Variants in NME9 observed in about 807,000 individuals in gnomAD.
The protein encoded by NME9 is NME/NM23 family member 9, also known as thioredoxin domain-containing protein 6.
A neutral mutation model predicts 44.4 loss-of-function variants in NME9; 48 were observed. The ratio of observed to expected loss-of-function variants is 1.08; its 90% CI spans 0.86 to 1.37. The LOEUF is 1.37. Ranked by LOEUF, NME9 falls within the 40% of genes most tolerant of loss-of-function variation. The probability of loss-of-function intolerance (pLI) is 0.00; values close to 1 mark genes in which losing one functional copy is unlikely to be tolerated. For synonymous variants in NME9, 139 were observed against 147.1 expected (o/e 0.94, Z 0.40); for missense variants, 325 against 405.2 (o/e 0.80, Z 1.70).
intron 2 of NME9, among the ~76,000 whole-genome samples, chr3:138,322,191 G>C (rs2053506204): frequency 6.6e-6 from 1 of 152,128 alleles, no homozygotes. Context: ...CCGCTGAAAA[G>C]GGCAGGTTTA....
intron 8 of NME9, chr3:138,287,931 C>G (rs528528436): frequency 4.6e-6 from 1 of 216,530 alleles, no homozygotes; most frequent in African/African-American, 2.3e-5. Flanking sequence ...TTCATTCAGG[C>G]GAAAACACCC....
At chr3:138,314,514 GA>G (rs2052932789) in intron 5 of NME9, 107 bp from the exon 6 acceptor site, 2 of 687,296 alleles carry the variant, frequency 2.9e-6, no homozygotes, top group South Asian at 2.0e-5. Flanking sequence ...AAAACACAGA[GA>G]AAAAAATGTC....
chr3:138,321,385 G>A (rs929432619), intron 2 of NME9, among the ~76,000 whole-genome samples: 6 of 152,200 alleles, frequency 3.9e-5, no homozygotes, highest in African/African-American at 4.8e-5. Flanking sequence ...CGGAAGTCAA[G>A]GGCAAAAGGA....
intron 8 of NME9, among the ~76,000 whole-genome samples, chr3:138,264,985 GC>G (rs1181535635): frequency 1.3e-5 from 2 of 150,894 alleles, no homozygotes; most frequent in Non-Finnish European, 2.9e-5. Context: ...GCAGCCTTGT[GC>G]CCCCCGGCCC....
At chr3:138,300,189 A>G (rs771179902), downstream of NME9, among the ~76,000 whole-genome samples, 4 of 152,100 alleles carry the variant, frequency 2.6e-5, no homozygotes, top group Admixed American at 6.5e-5. Context: ...CACTGTGGAC[A>G]TGTGTGTTTC....
chr3:138,310,855 C>A (rs184597399), intron 6 of NME9, among the ~76,000 whole-genome samples: 1 of 151,670 alleles, frequency 6.6e-6, no homozygotes, highest in Admixed American at 6.6e-5. Flanking sequence ...CACCCAAATG[C>A]GCTAAAAAAG....
intron 2 of NME9, among the ~76,000 whole-genome samples, chr3:138,321,797 T>C (rs1253525181): frequency 6.6e-6 from 1 of 151,630 alleles, no homozygotes; most frequent in East Asian, 1.9e-4. Context: ...ATGAAGATGG[T>C]GTGAAAAGGA....
intron 8 of NME9, among the ~76,000 whole-genome samples, chr3:138,285,631 ACTTC>A (rs1460892381): frequency 6.6e-6 from 1 of 151,970 alleles, no homozygotes; most frequent in Non-Finnish European, 1.5e-5. Context: ...CATTTTGTTC[ACTTC>A]CTTCAGAGCA....
In NME9 at chr3:138,329,358, C is replaced by T; in HGVS notation, c.-23G>A. The T allele has an allele frequency of 2.0e-6, 3 of 1,536,030 alleles. No individual in the cohort carries two copies. Among genetic ancestry groups the T allele is most frequent in the East Asian group, 2.4e-5 (1 of 40,908 alleles). ...CATGGCTCTGCAAAGAAGACGAAGCCCTGTTACCGCGGCCGTGGGCCGTTC... is the reference window on the plus strand; with the variant it reads ...CATGGCTCTGCAAAGAAGACGAAGCTCTGTTACCGCGGCCGTGGGCCGTTC... On this transcript the variant is annotated 5_prime_UTR_variant, in exon 1 of 11. Coordinates refer to ENST00000333911, the MANE Select transcript of NME9 (RefSeq NM_001349018.2).
At chr3:138,305,959 A>C in intron 8 of NME9, 45 bp downstream of exon 8, 1 of 1,247,940 alleles carries the variant, frequency 8.0e-7, no homozygotes, top group Non-Finnish European at 1.2e-6. Flanking sequence ...TGTTGGAGGA[A>C]GAGAAACGAC....
chr3:138,262,597 T>C, intron 8 of NME9: 1 of 1,380,928 alleles, frequency 7.2e-7, no homozygotes, highest in African/African-American at 1.6e-5. Context: ...CTGAGGAGAT[T>C]AAAAAAAAAA....
intron 8 of NME9, chr3:138,295,780 C>A (rs2051432531): frequency 2.0e-6 from 3 of 1,512,840 alleles, no homozygotes; most frequent in Non-Finnish European, 2.7e-6. Flanking sequence ...ACTTCCCCAG[C>A]TATCATCATT....
intron 8 of NME9, among the ~76,000 whole-genome samples, chr3:138,266,074 T>C (rs1025301238): frequency 6.6e-6 from 1 of 152,226 alleles, no homozygotes; most frequent in Non-Finnish European, 1.5e-5. Flanking sequence ...AGTATGTTTC[T>C]TTAACAACTT....
chr3:138,301,592 G>A lies in NME9; in HGVS notation c.*48C>T. ...AGTTCCGATTCCGGAGGTCTGTTTT[G>A]TGCAGTAGACCCCTGGTCACGTGCT... On this transcript the variant is annotated 3_prime_UTR_variant, in exon 11 of 11. Coordinates refer to ENST00000333911, the MANE Select transcript of NME9 (RefSeq NM_001349018.2). 6.5e-7 allele frequency: 1 copy of A among 1,534,932 alleles called. No homozygotes were observed. Among genetic ancestry groups the A allele is most frequent in the African/African-American group, 1.4e-5 (1 of 73,064 alleles).
intron 4 of NME9, among the ~76,000 whole-genome samples, chr3:138,317,018 CCATAGGGT>C (rs1445782661): frequency 6.6e-6 from 1 of 152,144 alleles, no homozygotes. Context: ...CAGTGGGCCA[CCATAGGGT>C]TGAAGATTGT....
chr3:138,284,368 T>G, intron 8 of NME9: 247 of 1,314,332 alleles, frequency 1.9e-4, no homozygotes, highest in Non-Finnish European at 2.5e-4. Flanking sequence ...CCCAAGCTCT[T>G]GAGACAGCTT....
intron 1 of NME9, among the ~76,000 whole-genome samples, chr3:138,326,864 G>A (rs746486686): frequency 3.6e-4 from 55 of 150,788 alleles, no homozygotes; most frequent in Non-Finnish European, 6.3e-4. Flanking sequence ...TTTTTTGGCC[G>A]AACGTGGTTG....
intron 6 of NME9, 107 bp from the exon 7 acceptor site, chr3:138,306,587 A>G: frequency 2.9e-6 from 2 of 694,494 alleles, no homozygotes; most frequent in South Asian, 1.8e-5. Flanking sequence ...ACCAAGTGCC[A>G]GGCACAGGCT....
At position 138,263,628 on chromosome 3, in the gene NME9, T is replaced by C. The variant is rs1035191695; in HGVS notation, c.746-1042A>G. 4 of 984,286 alleles carry C rather than the reference T, an allele frequency of 4.1e-6. No homozygotes were observed. The East Asian group carries it at 7.2e-5, about 18-fold the overall frequency. The allele number at this position is 984,286 out of a possible 1,614,324, so 61.0% of individuals were successfully genotyped here. ...TGATTGTTTGAGAGGTAAAAACTCT[T>C]GCCAAAAACAACGTTAAACTTTTAA... is the stretch of plus-strand genomic sequence containing the variant. On this transcript the variant is annotated intron_variant, in intron 8 of 8. Transcript: ENST00000317876.
Sources: gnomAD v4.1 joint callset for allele counts (sites outside exome capture counted in the v4.1 genomes callset) on GRCh38, gnomAD v4.1.1 for gene constraint, MANE v1.5 for transcripts, NCBI Gene and HGNC (gene_info 2026-07-23, HGNC 2026-07-21) for gene names.